PRKCQ: variants seen among roughly 807,000 people sequenced by gnomAD.
PRKCQ encodes the protein protein kinase C theta.
PRKCQ carries 41 observed loss-of-function variants against 91.2 expected under a neutral mutation model. The observed-to-expected ratio is 0.45, with a 90% CI of 0.35 to 0.58. PRKCQ has a LOEUF of 0.58. Ranked by LOEUF, PRKCQ falls within the 20% of genes least tolerant of loss-of-function variation. The pLI is 0.00. For synonymous variants in PRKCQ, 307 were observed against 316.9 expected (o/e 0.97, Z 0.33); for missense variants, 673 against 896.5 (o/e 0.75, Z 3.18).
the PRKCQ span, among the ~76,000 whole-genome samples, chr10:6,417,319 C>T: frequency 6.6e-6 from 1 of 152,188 alleles, no homozygotes; most frequent in Non-Finnish European, 1.5e-5. Flanking sequence ...ACTTGTTTTT[C>T]AGATTTGTGT....
intron 16 of PRKCQ, among the ~76,000 whole-genome samples, chr10:6,440,108 G>A (rs191627993): frequency 1.3e-5 from 2 of 152,316 alleles, no homozygotes; most frequent in East Asian, 3.9e-4. Context: ...TCTCTCTCCT[G>A]CTGCCCTGTG....
chr10:6,485,018 G>T, intron 10 of PRKCQ, 134 bp downstream of exon 10: 1 of 724,638 alleles, frequency 1.4e-6, no homozygotes. Context: ...AGAAGTGGGA[G>T]CCTCTTAGTT....
At chr10:6,411,937 T>A in the PRKCQ span, among the ~76,000 whole-genome samples, 4 of 152,330 alleles carry the variant, frequency 2.6e-5, no homozygotes, top group African/African-American at 9.6e-5. Context: ...TTCTAAGTAT[T>A]TGATAGATAC....
At chr10:6,542,898 G>A (rs1175407819) in intron 1 of PRKCQ, among the ~76,000 whole-genome samples, 2 of 152,178 alleles carry the variant, frequency 1.3e-5, no homozygotes, top group Admixed American at 1.3e-4. Context: ...CATTGTTTCT[G>A]TTATTATATT....
intron 7 of PRKCQ, among the ~76,000 whole-genome samples, chr10:6,493,910 C>T (rs1837455221): frequency 6.6e-6 from 1 of 152,314 alleles, no homozygotes; most frequent in South Asian, 2.1e-4. Flanking sequence ...CCAGCCACTT[C>T]GCCTTCTCTG....
At chr10:6,394,623 C>G in the PRKCQ span, among the ~76,000 whole-genome samples, 2 of 152,186 alleles carry the variant, frequency 1.3e-5, no homozygotes, top group East Asian at 1.9e-4. Flanking sequence ...TAAATACATA[C>G]GCCAAATCGT....
rs147134025 is a variant in PRKCQ at position 6,560,239 on chromosome 10, C to G, written c.-10+19972G>C. On this transcript the variant is annotated intron_variant, in intron 1 of 17. Coordinates refer to ENST00000263125, the MANE Select transcript of PRKCQ (RefSeq NM_006257.5). Reference sequence around the variant, plus strand: ...TGCATTTTTAAGAGGATCTGTGTCCCCTAAGATCCTAGCTGACAGCATTTC... The same window carrying G: ...TGCATTTTTAAGAGGATCTGTGTCCGCTAAGATCCTAGCTGACAGCATTTC... Among the ~76,000 whole-genome samples, 340 of 152,254 alleles carry G rather than the reference C, an allele frequency of 2.2e-3. 8 individuals carry two copies. In the East Asian group the frequency reaches 0.04, roughly 18 times the overall value.
At chr10:6,502,714 A>G (rs1837986112) in intron 4 of PRKCQ, among the ~76,000 whole-genome samples, 1 of 152,236 alleles carries the variant, frequency 6.6e-6, no homozygotes, top group South Asian at 2.1e-4. Flanking sequence ...AATATTGACT[A>G]GACAACACGA....
At chr10:6,577,632 A>G (rs1841293692) in intron 1 of PRKCQ, among the ~76,000 whole-genome samples, 1 of 152,176 alleles carries the variant, frequency 6.6e-6, no homozygotes, top group Non-Finnish European at 1.5e-5. Flanking sequence ...ATTTGAGGCA[A>G]ATTATTGAAA....
At position 6,427,686 on chromosome 10, in the gene PRKCQ, C is replaced by T; in HGVS notation, c.*521G>A. The T allele has an allele frequency of 6.5e-6, 1 of 154,406 alleles. No individual in the cohort carries two copies. The highest frequency in any genetic ancestry group is 6.3e-5 in the Admixed American group (1 of 15,756). 9.6% of individuals were successfully genotyped at this position (154,406 alleles called of 1,614,324 possible). A position where few individuals can be genotyped will look rare whatever the true frequency, so the allele number is the denominator to read the frequency against. Reference sequence around the variant, plus strand: ...GTAAAGAATTCCCATAAAAACCTATCCAGGGCTGGCCCCCCAGCCATTTAC... The same window carrying T: ...GTAAAGAATTCCCATAAAAACCTATTCAGGGCTGGCCCCCCAGCCATTTAC... On this transcript the variant is annotated 3_prime_UTR_variant, in exon 18 of 18. Coordinates refer to ENST00000263125, the MANE Select transcript of PRKCQ (RefSeq NM_006257.5).
At chr10:6,549,217 C>T (rs1840088930) in intron 1 of PRKCQ, among the ~76,000 whole-genome samples, 1 of 152,112 alleles carries the variant, frequency 6.6e-6, no homozygotes, top group South Asian at 2.1e-4. Flanking sequence ...ATCCAAGTGC[C>T]CTGGGTTGGC....
chr10:6,403,589 T>C, the PRKCQ span, among the ~76,000 whole-genome samples: 1 of 152,158 alleles, frequency 6.6e-6, no homozygotes, highest in Non-Finnish European at 1.5e-5. Flanking sequence ...CTTCTCCCCA[T>C]GCTCATGGCC....
At chr10:6,450,402 C>T (rs1359107607) in intron 15 of PRKCQ, among the ~76,000 whole-genome samples, 1 of 151,988 alleles carries the variant, frequency 6.6e-6, no homozygotes, top group Non-Finnish European at 1.5e-5. Context: ...TATATGCATC[C>T]AATACAGGAG....
downstream of PRKCQ, among the ~76,000 whole-genome samples, chr10:6,423,010 T>TG (rs1833040482): frequency 2.6e-5 from 4 of 152,156 alleles, no homozygotes; most frequent in South Asian, 8.3e-4. Context: ...CTCTGGGCTC[T>TG]GGGAGTTTGG....
chr10:6,560,354 A>G (rs1395094045), intron 1 of PRKCQ, among the ~76,000 whole-genome samples: 1 of 152,192 alleles, frequency 6.6e-6, no homozygotes, highest in African/African-American at 2.4e-5. Flanking sequence ...GTCATCCTTG[A>G]TTTGCTGGGA....
At chr10:6,515,379 T>C in intron 1 of PRKCQ, 1 of 1,451,214 alleles carries the variant, frequency 6.9e-7, no homozygotes, top group Non-Finnish European at 9.0e-7. Context: ...GCACTCAACC[T>C]TGCTTTTGAG....
At chr10:6,444,284 G>A (rs73605150) in intron 15 of PRKCQ, among the ~76,000 whole-genome samples, 1,851 of 152,130 alleles carry the variant, frequency 0.012, 48 homozygotes, top group African/African-American at 0.042. Context: ...TGATCAGGCT[G>A]GTCTTGATCT....
chr10:6,479,768 A>T (rs1344365441), intron 11 of PRKCQ, among the ~76,000 whole-genome samples: 1 of 20,162 alleles, frequency 5.0e-5, no homozygotes, highest in Non-Finnish European at 8.9e-5. Context: ...CGTCTCGACT[A>T]AAAAAAAAAA....
chr10:6,430,909 C>T lies in PRKCQ; in HGVS notation c.1866G>A (p.Leu622=). 1.9e-6 allele frequency: 3 copies of T among 1,614,122 alleles called. No homozygotes were observed. Among genetic ancestry groups the T allele is most frequent in the Non-Finnish European group, 2.5e-6 (3 of 1,179,966 alleles). The change falls in exon 17 of 18, where the codon CTG becomes CTA. Residue 622 remains leucine, a synonymous_variant. Coordinates refer to ENST00000263125, the MANE Select transcript of PRKCQ (RefSeq NM_006257.5). This position sits in a 1 kb window ranked among gnomAD's most constrained non-coding sequence, Gnocchi z 4.7. ...KLFVREPEKR[L]GVRGDIRQHP... is the part of the protein sequence containing the mutation. ...GCTGGCGGATGTCTCCCCTCACGCC[C>T]AGCCTCTTCTCAGGTTCTCGCACGA... is the stretch of plus-strand genomic sequence containing the variant.
Sources: gnomAD v4.1 joint callset for allele counts (sites outside exome capture counted in the v4.1 genomes callset) on GRCh38, gnomAD v4.1.1 for gene constraint, Gnocchi (gnomAD v3.1) non-coding constraint, MANE v1.5 for transcripts, NCBI Gene and HGNC (gene_info 2026-07-23, HGNC 2026-07-21) for gene names.